Variants in LRBA observed in about 807,000 individuals in gnomAD.
LRBA encodes the protein LPS responsive beige-like anchor protein.
LRBA carries 176 observed loss-of-function variants against 330.0 expected under a neutral mutation model. The observed-to-expected ratio is 0.53, with a 90% CI of 0.47 to 0.60. The LOEUF is 0.60. LRBA is among the 20% of genes least tolerant of loss of function. LRBA has a pLI of 0.00. For synonymous variants in LRBA, 1,230 were observed against 1,193.0 expected (o/e 1.03, Z -0.64); for missense variants, 3,259 against 3,444.8 (o/e 0.95, Z 1.35).
In LRBA at chr4:150,347,575, G is replaced by A. The variant is rs113439001; in HGVS notation, c.7362+2417C>T. 8.2e-3 allele frequency among the ~76,000 whole-genome samples: 1,241 copies of A among 152,092 alleles called. 4 individuals carry two copies. The highest frequency in any genetic ancestry group is 0.013 in the Non-Finnish European group (893 of 67,998). ...GCAGGAGAATCACTTGAACCCAGGA[G>A]GCGGAGGTTGTAATGAGCTGAGCTT... On this transcript the variant is annotated intron_variant, in intron 48 of 56. Transcript: ENST00000651943.
At chr4:150,688,091 G>C (rs1196353093) in intron 36 of LRBA, among the ~76,000 whole-genome samples, 1 of 152,136 alleles carries the variant, frequency 6.6e-6, no homozygotes, top group Non-Finnish European at 1.5e-5. Flanking sequence ...CATGGTACTG[G>C]TACCAAAACA....
intron 19 of LRBA, 26 bp from the exon 20 acceptor site, chr4:150,870,632 A>C: frequency 9.3e-7 from 1 of 1,075,894 alleles, no homozygotes; most frequent in East Asian, 2.4e-5. Flanking sequence ...AATGGATTAC[A>C]TTAGCAAATC....
At chr4:150,890,595 A>T (rs1729359227) in intron 17 of LRBA, among the ~76,000 whole-genome samples, 1 of 152,250 alleles carries the variant, frequency 6.6e-6, no homozygotes, top group Non-Finnish European at 1.5e-5. Context: ...ATTGGAATTT[A>T]AAATTTATGA....
At position 150,761,817 on chromosome 4, in the gene LRBA, C is replaced by G; in HGVS notation, c.5611G>C (p.Gly1871Arg). ...TTGACAAGTTCGATAAAAGCAAGGC[C>G]TGCATTCTTCTGAATAGAATTTTGC... is the stretch of plus-strand genomic sequence containing the variant. ...EWQNSIQKNAGLAFIELVNEG... is the reference protein window; with the variant it reads ...EWQNSIQKNARLAFIELVNEG... The change falls in exon 35 of 57, where the codon GGC becomes CGC. Residue 1871 changes from glycine to arginine, a missense_variant. By Grantham distance (125) the Gly-to-Arg change is moderately radical. Transcript: ENST00000651943. 1 of 1,541,804 alleles carries G rather than the reference C, an allele frequency of 6.5e-7. No individual in the cohort carries two copies.
intron 33 of LRBA, among the ~76,000 whole-genome samples, chr4:150,803,640 C>G (rs1264243624): frequency 2.0e-5 from 3 of 152,108 alleles, no homozygotes; most frequent in Non-Finnish European, 4.4e-5. Context: ...ATGGCACAAT[C>G]ACCTCTTTTT....
At chr4:150,362,722 G>A (rs9992387) in intron 47 of LRBA, among the ~76,000 whole-genome samples, 6,382 of 152,192 alleles carry the variant, frequency 0.042, 238 homozygotes, top group East Asian at 0.2. Context: ...AAGATTTATC[G>A]TACAATCTGC....
intron 2 of LRBA, among the ~76,000 whole-genome samples, chr4:150,992,793 G>A (rs1364066319): frequency 3.9e-5 from 6 of 152,182 alleles, no homozygotes; most frequent in Non-Finnish European, 8.8e-5. Flanking sequence ...GTTGGGGGGA[G>A]AATCATCTGG....
chr4:150,272,828 A>C (rs62344508), intron 56 of LRBA, among the ~76,000 whole-genome samples: 31,777 of 151,960 alleles, frequency 0.21, 4,063 homozygotes, highest in Non-Finnish European at 0.3. Context: ...CCAAATCTAC[A>C]TTTGATTTGT....
intron 2 of LRBA, among the ~76,000 whole-genome samples, chr4:150,951,960 A>G (rs951009550): frequency 5.9e-5 from 9 of 152,242 alleles, no homozygotes; most frequent in African/African-American, 2.2e-4. Context: ...TTATGCTGAT[A>G]TGGAAAATGA....
At position 150,852,717 on chromosome 4, in the gene LRBA, G is replaced by A. The variant is rs1013815080; in HGVS notation, c.2993C>T (p.Thr998Ile). ...NGNENSSIEK[T>I]SSLESASNIE... The stretch of plus-strand genomic sequence containing the variant: ...ATTAGATGCAGATTCTAGTGAACTT[G>A]TCTTCTCTATACTTGAATTTTCATT... The change falls in exon 23 of 57, where the codon ACA becomes ATA. Residue 998 changes from threonine to isoleucine, a missense_variant. Transcript: ENST00000651943. The A allele has an allele frequency of 6.2e-7, 1 of 1,613,770 alleles. No homozygotes were observed. The highest frequency in any genetic ancestry group is 2.2e-5 in the East Asian group (1 of 44,858).
chr4:151,015,600 C>G (rs1359491290), upstream of LRBA: 11 of 152,834 alleles, frequency 7.2e-5, no homozygotes, highest in East Asian at 1.9e-3. Context: ...GCTGGCGCTA[C>G]GGGCGCCGCG....
chr4:150,275,039 T>C (rs1222180748), intron 56 of LRBA, among the ~76,000 whole-genome samples: 1 of 152,198 alleles, frequency 6.6e-6, no homozygotes, highest in Non-Finnish European at 1.5e-5. Flanking sequence ...AATAAAATAC[T>C]GGCAAACCAA....
At chr4:150,898,308 C>T (rs187870634) in intron 14 of LRBA, among the ~76,000 whole-genome samples, 27 of 152,114 alleles carry the variant, frequency 1.8e-4, no homozygotes, top group Admixed American at 2.6e-4. Context: ...CCTCACTACA[C>T]GATATCATTC....
At chr4:150,477,327 C>A (rs376323971) in intron 42 of LRBA, among the ~76,000 whole-genome samples, 1 of 152,076 alleles carries the variant, frequency 6.6e-6, no homozygotes, top group Non-Finnish European at 1.5e-5. Flanking sequence ...CAGCCTAAGA[C>A]GGGGTAATTT....
intron 40 of LRBA, among the ~76,000 whole-genome samples, chr4:150,509,376 T>A (rs780387241): frequency 2.6e-5 from 4 of 151,998 alleles, no homozygotes; most frequent in South Asian, 2.1e-4. Context: ...AACACAATTT[T>A]AAAAAATTCT....
intron 37 of LRBA, among the ~76,000 whole-genome samples, chr4:150,661,806 A>G (rs187994012): frequency 1.4e-4 from 22 of 151,954 alleles, no homozygotes; most frequent in Admixed American, 5.2e-4. Context: ...TATTTTTAGT[A>G]GAGATAGGGT....
chr4:150,764,260 G>C (rs533208859), intron 34 of LRBA, among the ~76,000 whole-genome samples: 1 of 151,938 alleles, frequency 6.6e-6, no homozygotes, highest in African/African-American at 2.4e-5. Context: ...AAAACGTCAA[G>C]AATGTCCCCT....
intron 36 of LRBA, among the ~76,000 whole-genome samples, chr4:150,688,817 A>T (rs1169258774): frequency 6.6e-6 from 1 of 152,214 alleles, no homozygotes; most frequent in Non-Finnish European, 1.5e-5. Flanking sequence ...GCTGGAAAGG[A>T]TGTGGAGAAA....
rs115070209 is a variant in LRBA at position 150,831,318 on chromosome 4, T to C, written c.4729+499A>G. 4.6e-3 allele frequency among the ~76,000 whole-genome samples: 697 copies of C among 152,252 alleles called. 6 individuals carry two copies. The highest frequency in any genetic ancestry group is 0.016 in the African/African-American group (666 of 41,560). ...TATAAGCTCCATAAGGAAACAGATT[T>C]TTTGTTTTGTTTTAGTCATGAATAT... On this transcript the variant is annotated intron_variant, in intron 29 of 56. Transcript: ENST00000651943.
Sources: allele counts gnomAD v4.1 joint callset (sites outside exome capture counted in the v4.1 genomes callset), GRCh38; gene constraint gnomAD v4.1.1; transcripts MANE v1.5; gene names NCBI Gene and HGNC (gene_info 2026-07-23, HGNC 2026-07-21).